The following MYOT variants were observed in gnomAD, a reference collection of about 807,000 sequenced individuals.
The protein encoded by MYOT is 57 kDa cytoskeletal protein.
Under a neutral mutation model 58.0 loss-of-function variants are expected in MYOT, and 36 were observed. The ratio of observed to expected loss-of-function variants is 0.62; its 90% CI spans 0.48 to 0.82. The LOEUF (loss-of-function observed/expected upper bound fraction) is 0.82, where lower values mean the gene tolerates loss of function less well. Among genes scored for constraint, MYOT ranks in the 40% least tolerant of loss-of-function variants. The pLI, the probability that MYOT is intolerant of heterozygous loss-of-function variation, is 0.00. For synonymous variants in MYOT, 218 were observed against 204.6 expected, an observed-to-expected ratio of 1.07 and a Z score of -0.56; for missense variants, 505 against 592.1, an observed-to-expected ratio of 0.85 and a Z score of 1.53.
chr5:137,875,516 CAT>C (rs1328191441), intron 2 of MYOT, among the ~76,000 whole-genome samples: 4 of 152,070 alleles, frequency 2.6e-5, no homozygotes, highest in African/African-American at 9.7e-5. Flanking sequence ...AGAAATTACT[CAT>C]AAGATTGGAA....
At chr5:137,870,320 CA>C (rs1202462736) in intron 1 of MYOT, 120 bp from the exon 2 acceptor site, 3 of 406,950 alleles carry the variant, frequency 7.4e-6, no homozygotes, top group Non-Finnish European at 1.4e-5. Flanking sequence ...CACACACACA[CA>C]CACACAAAAG....
At chr5:137,877,974 T>C (rs1755286751) in intron 4 of MYOT, among the ~76,000 whole-genome samples, 1 of 152,162 alleles carries the variant, frequency 6.6e-6, no homozygotes, top group Non-Finnish European at 1.5e-5. Flanking sequence ...GAAATTAAGA[T>C]TATAAATGAA....
At position 137,886,204 on chromosome 5, in the gene MYOT, A is replaced by T. The variant is rs1394138427; in HGVS notation, c.1181A>T (p.Asp394Val). 1 of 1,608,888 alleles carries T rather than the reference A, an allele frequency of 6.2e-7. No individual in the cohort carries two copies. Among genetic ancestry groups the T allele is most frequent in the Non-Finnish European group, 8.5e-7 (1 of 1,176,154 alleles). ...RNNEMVQFNT[D>V]RISLYQDNTG... ...AATGAAATGGTACAATTCAACACTG[A>T]CCGAATAAGGTAGGATATGTATTTC... Residue 394 changes from aspartate to valine, a missense_variant, in exon 8 of 10, where the codon GAC becomes GTC. Physicochemically the swap from Asp to Val is radical, Grantham distance 152. Coordinates refer to ENST00000239926, the MANE Select transcript of MYOT (RefSeq NM_006790.3).
In MYOT at chr5:137,877,623, T is replaced by C. The variant is rs1486513544; in HGVS notation, c.633+2T>C. On this transcript the variant is annotated splice_donor_variant, in intron 4 of 9. Transcript: ENST00000239926. LOFTEE classifies it high-confidence loss of function. ...GACAGTGGTGCACAAGACTCGCAGG[T>C]AAGTTAAAATGCTCTAAGTGGAGTA... is the stretch of plus-strand genomic sequence containing the variant. 1 of 1,592,774 alleles carries C rather than the reference T, an allele frequency of 6.3e-7. No individual in the cohort carries two copies. The highest frequency in any genetic ancestry group is 8.6e-7 in the Non-Finnish European group (1 of 1,160,726).
chr5:137,882,261 C>G (rs1381405983), intron 6 of MYOT, among the ~76,000 whole-genome samples, 156 bp downstream of exon 6: 1 of 152,208 alleles, frequency 6.6e-6, no homozygotes. Flanking sequence ...TGAATTCTGG[C>G]TCTGCCATCC....
intron 4 of MYOT, among the ~76,000 whole-genome samples, chr5:137,878,363 G>A (rs1402161099): frequency 1.3e-5 from 2 of 151,908 alleles, no homozygotes; most frequent in Admixed American, 6.6e-5. Context: ...GATTACAGGC[G>A]CACACCATCA....
At chr5:137,878,675 T>G (rs1281198824) in intron 4 of MYOT, among the ~76,000 whole-genome samples, 1 of 151,674 alleles carries the variant, frequency 6.6e-6, no homozygotes, top group East Asian at 2.0e-4. Context: ...ATACAAAAAT[T>G]AGCTGGGCGT....
chr5:137,867,918 T>C lies in MYOT; in HGVS notation c.-247T>C, dbSNP rs541245007. On this transcript the variant is annotated 5_prime_UTR_variant, in exon 1 of 10. Coordinates refer to ENST00000239926, the MANE Select transcript of MYOT (RefSeq NM_006790.3). ...GATGCCTCTTCCTTCCCTTCAATAG[T>C]GGGTTAAACCCAGCTGGCACCCTCT... The C allele has an allele frequency of 6.6e-6, 1 of 152,192 alleles. No homozygotes were observed. The highest frequency in any genetic ancestry group is 1.5e-5 in the Non-Finnish European group (1 of 68,030). The allele number at this position is 152,192 out of a possible 1,614,324, so 9.4% of individuals were successfully genotyped here. A position where few individuals can be genotyped will look rare whatever the true frequency, so the allele number is the denominator to read the frequency against.
chr5:137,887,086 G>A, intron 9 of MYOT, 89 bp downstream of exon 9: 1 of 1,557,150 alleles, frequency 6.4e-7, no homozygotes. Context: ...TATAAAATTT[G>A]AGATATTTTC....
At chr5:137,878,374 G>A (rs1482930843) in intron 4 of MYOT, among the ~76,000 whole-genome samples, 1 of 151,874 alleles carries the variant, frequency 6.6e-6, no homozygotes, top group African/African-American at 2.4e-5. Flanking sequence ...CACACCATCA[G>A]GCCCAGCTAA....
intron 2 of MYOT, among the ~76,000 whole-genome samples, chr5:137,875,497 T>A (rs1052499597): frequency 2.3e-4 from 35 of 152,054 alleles, no homozygotes; most frequent in Non-Finnish European, 4.3e-4. Context: ...TAAAAAAAAA[T>A]TTTATTAAAG....
In MYOT at chr5:137,887,746, C is replaced by G. The variant is rs976353550; in HGVS notation, c.*361C>G. 1.2e-4 allele frequency: 20 copies of G among 161,048 alleles called. No homozygotes were observed. Among genetic ancestry groups the G allele is most frequent in the African/African-American group, 4.8e-4 (20 of 41,516 alleles). 10.0% of individuals were successfully genotyped at this position (161,048 alleles called of 1,614,324 possible). ...GTTTACTGGTACTGCTTTCTAAATACTGTTTTACCCGTTTTCTCTTGTAGG... is the reference window on the plus strand; with the variant it reads ...GTTTACTGGTACTGCTTTCTAAATAGTGTTTTACCCGTTTTCTCTTGTAGG... On this transcript the variant is annotated 3_prime_UTR_variant, in exon 10 of 10. Transcript: ENST00000239926.
At chr5:137,868,947 T>A (rs899594482) in intron 1 of MYOT, among the ~76,000 whole-genome samples, 2 of 152,234 alleles carry the variant, frequency 1.3e-5, no homozygotes, top group African/African-American at 4.8e-5. Flanking sequence ...AAGGAATATT[T>A]AACTTTTTAA....
At position 137,887,468 on chromosome 5, in the gene MYOT, GT is replaced by G. The variant is rs1755643161; in HGVS notation, c.*84del. 11 of 1,292,120 alleles carry G rather than the reference GT, an allele frequency of 8.5e-6. No individual in the cohort carries two copies. Among genetic ancestry groups the G allele is most frequent in the Non-Finnish European group, 1.2e-5 (11 of 905,128 alleles). The allele number at this position is 1,292,120 out of a possible 1,614,324, so 80.0% of individuals were successfully genotyped here. ...ATTTTTTTGAAATTAATCCATAGCT[GT>G]ATTAACAGATTATGGTTTTAATTAG... On this transcript the variant is annotated 3_prime_UTR_variant, in exon 10 of 10. Transcript: ENST00000239926.
intron 4 of MYOT, 138 bp from the exon 5 acceptor site, chr5:137,880,678 A>G: frequency 1.4e-6 from 1 of 705,934 alleles, no homozygotes; most frequent in Non-Finnish European, 2.5e-6. Context: ...AGGGCTTAAA[A>G]GCTGAATATA....
chr5:137,879,748 G>T (rs1172790068), intron 4 of MYOT, among the ~76,000 whole-genome samples: 1 of 144,516 alleles, frequency 6.9e-6, no homozygotes, highest in East Asian at 2.0e-4. Flanking sequence ...TTGTTACCCA[G>T]GATGGTCTCG....
chr5:137,870,661 T>C lies in MYOT; in HGVS notation c.10T>C (p.Tyr4His), dbSNP rs768611053. 3 of 1,614,006 alleles carry C rather than the reference T, an allele frequency of 1.9e-6. No homozygotes were observed. In the Admixed American group the frequency reaches 5.0e-5, roughly 27 times the overall value. The change falls in exon 2 of 10, where the codon TAC becomes CAC. Residue 4 changes from tyrosine to histidine, a missense_variant. Transcript: ENST00000239926. The part of the protein sequence containing the change: MFN[Y>H]ERPKHFIQSQ... Reference sequence around the variant, plus strand: ...CATATACCAACTAAGCATGTTTAACTACGAACGTCCAAAACACTTCATCCA... The same window carrying C: ...CATATACCAACTAAGCATGTTTAACCACGAACGTCCAAAACACTTCATCCA...
At position 137,870,576 on chromosome 5, in the gene MYOT, A is replaced by G. The variant is rs1755014925; in HGVS notation, c.-76A>G. The G allele has an allele frequency of 2.2e-6, 3 of 1,373,372 alleles. No individual in the cohort carries two copies. The highest frequency in any genetic ancestry group is 2.3e-5 in the South Asian group (2 of 86,064). 85.1% of individuals were successfully genotyped at this position (1,373,372 alleles called of 1,614,324 possible). A position where few individuals can be genotyped will look rare whatever the true frequency, so the allele number is the denominator to read the frequency against. On this transcript the variant is annotated 5_prime_UTR_variant, in exon 2 of 10. Coordinates refer to ENST00000239926, the MANE Select transcript of MYOT (RefSeq NM_006790.3). Reference sequence around the variant, plus strand: ...CCGTAATTCCAGGCTTGTGGCCCCAAATTCAGGGCCCCACCCTTCCAGGAA... The same window carrying G: ...CCGTAATTCCAGGCTTGTGGCCCCAGATTCAGGGCCCCACCCTTCCAGGAA...
At position 137,883,552 on chromosome 5, in the gene MYOT, G is replaced by C; in HGVS notation, c.985G>C (p.Ala329Pro). 1 of 1,614,134 alleles carries C rather than the reference G, an allele frequency of 6.2e-7. No individual in the cohort carries two copies. The highest frequency in any genetic ancestry group is 1.3e-5 in the African/African-American group (1 of 75,026). ...TTATGCATGTGTTGCCAAGAATAGAGCAGGAGAAGCCACCTTCACTGTGCA... is the reference window on the plus strand; with the variant it reads ...TTATGCATGTGTTGCCAAGAATAGACCAGGAGAAGCCACCTTCACTGTGCA... ...GAYACVAKNR[A>P]GEATFTVQLD... Residue 329 changes from alanine to proline, a missense_variant, in exon 7 of 10, where the codon GCA becomes CCA. Physicochemically the swap from Ala to Pro is conservative, Grantham distance 27. Transcript: ENST00000239926.
Sources: gnomAD v4.1 joint callset for allele counts (sites outside exome capture counted in the v4.1 genomes callset) on GRCh38, gnomAD v4.1.1 for gene constraint, MANE v1.5 for transcripts, NCBI Gene and HGNC (gene_info 2026-07-23, HGNC 2026-07-21) for gene names.